METTL17: variants seen among roughly 807,000 people sequenced by gnomAD.
METTL17 encodes the protein methyltransferase like 17.
METTL17 carries 49 observed loss-of-function variants against 59.4 expected under a neutral mutation model. The observed-to-expected ratio is 0.82, with a 90% CI of 0.66 to 1.05. The LOEUF (loss-of-function observed/expected upper bound fraction) is 1.05, where lower values mean the gene tolerates loss of function less well. Ranked by LOEUF, METTL17 falls within the 50% of genes least tolerant of loss-of-function variation. METTL17 has a pLI of 0.00. For missense variants in METTL17, 555 were observed against 578.4 expected (o/e 0.96, Z 0.41); for synonymous variants, 208 against 209.2 (o/e 0.99, Z 0.05).
In METTL17 at chr14:20,990,348, A is replaced by G; in HGVS notation, c.194A>G (p.Gln65Arg). The part of the protein sequence containing the change: ...ILKLPHVRLP[Q>R]ALANGAQLLL... ...AAGCTGCCGCACGTGCGGCTGCCAC[A>G]GGCACTGGCTAACGGTGCCCAGTTA... The change falls in exon 2 of 14, where the codon CAG becomes CGG. Residue 65 changes from glutamine to arginine, a missense_variant. By Grantham distance (43) the Gln-to-Arg change is conservative. Transcript: ENST00000339374. The G allele has an allele frequency of 6.2e-7, 1 of 1,614,268 alleles. No homozygotes were observed. Among genetic ancestry groups the G allele is most frequent in the South Asian group, 1.1e-5 (1 of 91,088 alleles).
Position 20,990,012 on chromosome 14 carries a change from G to T in METTL17, c.10G>T (p.Ala4Ser), listed in dbSNP as rs373355373. Reference protein sequence around the residue: MAAALKCLLTLGRW... With the variant: MAASLKCLLTLGRW... ...GTTCGCCTCCGGAGCCATGGCGGCG[G>T]CACTGAAGTGTCTACTGACATTAGG... The change falls in exon 1 of 14, where the codon GCA (alanine) becomes TCA (serine). Residue 4 changes from alanine to serine, a missense_variant. Coordinates refer to ENST00000339374, the MANE Select transcript of METTL17 (RefSeq NM_022734.3). 1.2e-6 allele frequency: 2 copies of T among 1,601,086 alleles called. No individual in the cohort carries two copies. Among genetic ancestry groups the T allele is most frequent in the South Asian group, 1.1e-5 (1 of 90,454 alleles).
chr14:20,990,037 G>T lies in METTL17; in HGVS notation c.35G>T (p.Gly12Val). The change falls in exon 1 of 14, where the codon GGA (glycine) becomes GTA (valine). Residue 12 changes from glycine to valine, a missense_variant. Coordinates refer to ENST00000339374, the MANE Select transcript of METTL17 (RefSeq NM_022734.3). ...AAALKCLLTL[G>V]RWCPGLGVAP... Reference sequence around the variant, plus strand: ...GCACTGAAGTGTCTACTGACATTAGGAAGATGGTGCCCCGGCCTTGGAGTG... The same window carrying T: ...GCACTGAAGTGTCTACTGACATTAGTAAGATGGTGCCCCGGCCTTGGAGTG... 1 of 1,613,106 alleles carries T rather than the reference G, an allele frequency of 6.2e-7. No individual in the cohort carries two copies. The highest frequency in any genetic ancestry group is 1.1e-5 in the South Asian group (1 of 91,040).
intron 8 of METTL17, 69 bp from the exon 9 acceptor site, chr14:20,994,725 C>T (rs1367958602): frequency 6.5e-7 from 1 of 1,534,654 alleles, no homozygotes; most frequent in Non-Finnish European, 9.0e-7. Context: ...AATTTAGCGG[C>T]TAGGACTTTG....
intron 5 of METTL17, 175 bp from the exon 6 acceptor site, chr14:20,992,943 C>G: frequency 1.6e-6 from 1 of 634,174 alleles, no homozygotes; most frequent in Non-Finnish European, 2.8e-6. Flanking sequence ...TTCTGTGACC[C>G]AAGAAAGGTT....
Position 20,995,958 on chromosome 14 carries a change from A to G in METTL17, c.996+7A>G. The G allele has an allele frequency of 3.7e-6, 6 of 1,613,878 alleles. No homozygotes were observed. Among genetic ancestry groups the G allele is most frequent in the East Asian group, 2.2e-5 (1 of 44,876 alleles). On this transcript the variant is annotated splice_region_variant and intron_variant, in intron 11 of 13. Transcript: ENST00000339374. Reference sequence around the variant, plus strand: ...TGGTTTTGTCTTTGCCCCGGTGAGTATTACTTCTGCCTGTCCCACCACACG... The same window carrying G: ...TGGTTTTGTCTTTGCCCCGGTGAGTGTTACTTCTGCCTGTCCCACCACACG...
intron 6 of METTL17, chr14:20,993,499 G>A (rs1460925396): frequency 3.0e-5 from 10 of 335,932 alleles, no homozygotes; most frequent in African/African-American, 8.7e-5. Flanking sequence ...TTTTTGAAAC[G>A]GTGTCTCACT....
At chr14:20,996,173 T>C in intron 11 of METTL17, 36 bp from the exon 12 acceptor site, 1 of 1,582,976 alleles carries the variant, frequency 6.3e-7, no homozygotes, top group Non-Finnish European at 8.7e-7. Context: ...GATTGATGGC[T>C]CTTTTGTCTT....
Position 20,995,008 on chromosome 14 carries a change from G to A in METTL17, c.876+107G>A, listed in dbSNP as rs146850726. The A allele has an allele frequency of 6.7e-4, 784 of 1,174,508 alleles. 4 individuals are homozygous for A. In the African/African-American group the frequency reaches 0.011, roughly 16 times the overall value. The allele number at this position is 1,174,508 out of a possible 1,614,324, so 72.8% of individuals were successfully genotyped here. A position where few individuals can be genotyped will look rare whatever the true frequency, so the allele number is the denominator to read the frequency against. On this transcript the variant is annotated intron_variant, in intron 9 of 13. Coordinates refer to ENST00000339374, the MANE Select transcript of METTL17 (RefSeq NM_022734.3). ...TCTTCACCATTTTTCTCCTTCATGG[G>A]TTTCTTTATCCCTCTTTGAGGGTCT...
Position 20,995,165 on chromosome 14 carries a change from G to T in METTL17, c.877G>T (p.Val293Leu). 7 of 1,613,908 alleles carry T rather than the reference G, an allele frequency of 4.3e-6. No individual in the cohort carries two copies. The highest frequency in any genetic ancestry group is 5.9e-6 in the Non-Finnish European group (7 of 1,179,820). ...TLWRKTGHFLVLVENGTKAGH... is the reference protein window; with the variant it reads ...TLWRKTGHFLLLVENGTKAGH... ...GCATATTTTCCCCTTTTGTGAACAG[G>T]TACTGGTGGAGAATGGAACAAAAGC... The change falls in exon 10 of 14, where the codon GTA (valine) becomes TTA (leucine). Residue 293 changes from valine to leucine, a missense_variant and splice_region_variant. By Grantham distance (32) the Val-to-Leu change is conservative. Coordinates refer to ENST00000339374, the MANE Select transcript of METTL17 (RefSeq NM_022734.3).
rs906901293 is a variant in METTL17 at position 20,990,575 on chromosome 14, A to C, written c.341A>C (p.Glu114Ala). The C allele has an allele frequency of 1.2e-6, 2 of 1,614,116 alleles. No individual in the cohort carries two copies. The highest frequency in any genetic ancestry group is 2.7e-5 in the African/African-American group (2 of 74,942). Residue 114 changes from glutamate (E) to alanine (A), a missense_variant, in exon 3 of 14, where the codon GAG becomes GCG. By Grantham distance (107) the Glu-to-Ala change is moderately radical (BLOSUM62 -1). Transcript: ENST00000339374. ...EELQRRARHL[E>A]KKFLENPDLS... The stretch of plus-strand genomic sequence containing the variant: ...TTGCAAAGACGGGCTAGGCATCTTG[A>C]GAAAAAATTCCTGGAAAACCCAGGT...
chr14:20,995,207 A>G lies in METTL17; in HGVS notation c.919A>G (p.Met307Val). The change falls in exon 10 of 14, where the codon ATG becomes GTG. Residue 307 changes from methionine to valine, a missense_variant. By Grantham distance (21) the Met-to-Val change is conservative. Transcript: ENST00000339374. ...NGTKAGHSLLMDARDLVLKGK... is the reference protein window; with the variant it reads ...NGTKAGHSLLVDARDLVLKGK... ...AACAAAAGCTGGGCACAGCCTTCTCATGGATGCCAGGGATCTGGTCCTTAA... is the reference window on the plus strand; with the variant it reads ...AACAAAAGCTGGGCACAGCCTTCTCGTGGATGCCAGGGATCTGGTCCTTAA... 6.2e-7 allele frequency: 1 copy of G among 1,614,134 alleles called. No individual in the cohort carries two copies. The highest frequency in any genetic ancestry group is 8.5e-7 in the Non-Finnish European group (1 of 1,180,004).
intron 5 of METTL17, 110 bp downstream of exon 5, chr14:20,992,732 TA>T: frequency 2.4e-6 from 2 of 831,472 alleles, no homozygotes. Flanking sequence ...ATTTTTTTTT[TA>T]AAGAGGATCT....
chr14:20,996,706 C>A lies in METTL17; in HGVS notation c.1260C>A (p.His420Gln), dbSNP rs1321193070. 12 of 1,614,212 alleles carry A rather than the reference C, an allele frequency of 7.4e-6. No individual in the cohort carries two copies. The highest frequency in any genetic ancestry group is 1.3e-5 in the African/African-American group (1 of 75,054). ...ATGCTGTGCTCACAGCCCGCCGGCA[C>A]GGCAGGTATGGGGGGTGTGACCAAA... ...MQHAVLTARR[H>Q]GRDLYRCARV... The change falls in exon 13 of 14, where the codon CAC becomes CAA. Residue 420 changes from histidine to glutamine, a missense_variant. Physicochemically the swap from His to Gln is conservative, Grantham distance 24. Transcript: ENST00000339374.
chr14:20,996,246 T>C lies in METTL17; in HGVS notation c.1034T>C (p.Leu345Pro). ...CTCCCTTGTCCCCAGTTGACCAACC[T>C]GGCCTGTAGCTTCTCACAGGCGTAC... is the stretch of plus-strand genomic sequence containing the variant. ...HELPCPQLTN[L>P]ACSFSQAYHP... Residue 345 changes from leucine (L) to proline (P), a missense_variant, in exon 12 of 14, where the codon CTG becomes CCG. By Grantham distance (98) the Leu-to-Pro change is moderately conservative. Transcript: ENST00000339374. The C allele has an allele frequency of 4.3e-6, 7 of 1,614,212 alleles. No homozygotes were observed. The highest frequency in any genetic ancestry group is 5.9e-6 in the Non-Finnish European group (7 of 1,180,038).
At chr14:20,993,025 C>G in intron 5 of METTL17, 93 bp from the exon 6 acceptor site, 1 of 1,066,142 alleles carries the variant, frequency 9.4e-7, no homozygotes, top group Non-Finnish European at 1.5e-6. Flanking sequence ...ATTCACATCT[C>G]ACATCCTCTG....
rs181196242 is a variant in METTL17, at chr14:20,995,566, G to T, written c.945+333G>T. 9.2e-5 allele frequency among the ~76,000 whole-genome samples: 14 copies of T among 152,250 alleles called. No homozygotes were observed. The East Asian group carries it at 2.5e-3, about 27-fold the overall frequency. On this transcript the variant is annotated intron_variant, in intron 10 of 13. Coordinates refer to ENST00000339374, the MANE Select transcript of METTL17 (RefSeq NM_022734.3). Reference sequence around the variant, plus strand: ...GAAACTTTGCGGACTCCTAATCTAGGGCATTGCTGAGCTAAGAACCTTGTC... The same window carrying T: ...GAAACTTTGCGGACTCCTAATCTAGTGCATTGCTGAGCTAAGAACCTTGTC...
At chr14:20,993,758 C>G (rs567515380) in intron 6 of METTL17, 77 of 355,736 alleles carry the variant, frequency 2.2e-4, no homozygotes, top group African/African-American at 1.4e-3. Context: ...CAAGCATGAG[C>G]CACTGTGCCC....
chr14:20,992,299 C>T, intron 4 of METTL17, 94 bp downstream of exon 4: 2 of 837,028 alleles, frequency 2.4e-6, no homozygotes, highest in Middle Eastern at 2.3e-4. Flanking sequence ...TTAGTATTTT[C>T]TTTTATATCA....
rs149778840 is a variant in METTL17, at chr14:20,994,855, G to A, written c.830G>A (p.Arg277His). ...AGTGAACTGCCCAGCAAGGCTGACC[G>A]CACTGAGGTAGTTCAAACCTTATGG... ...SLSELPSKAD[R>H]TEVVQTLWRK... Residue 277 changes from arginine to histidine, a missense_variant, in exon 9 of 14, where the codon CGC becomes CAC. Physicochemically the swap from Arg to His is conservative, Grantham distance 29. Coordinates refer to ENST00000339374, the MANE Select transcript of METTL17 (RefSeq NM_022734.3). 209 of 1,614,024 alleles carry A rather than the reference G, an allele frequency of 1.3e-4. 1 individual carries two copies. The African/African-American group carries it at 1.6e-3, about 12-fold the overall frequency.
Sources: allele counts gnomAD v4.1 joint callset (sites outside exome capture counted in the v4.1 genomes callset), GRCh38; gene constraint gnomAD v4.1.1; transcripts MANE v1.5; gene names NCBI Gene and HGNC (gene_info 2026-07-23, HGNC 2026-07-21).